The following IDO2 variants were observed in gnomAD, a reference collection of about 807,000 sequenced individuals.
The protein encoded by IDO2 is indoleamine 2,3-dioxygenase 2, also known as indoleamine 2,3-dioxygenase-like 1 protein.
Under a neutral mutation model 45.1 loss-of-function variants are expected in IDO2, and 46 were observed. The ratio of observed to expected loss-of-function variants is 1.02; its 90% confidence interval spans 0.80 to 1.30. The LOEUF is 1.30. IDO2 is among the 50% of genes most tolerant of loss of function. The pLI is 0.00. For synonymous variants in IDO2, 218 were observed against 184.9 expected (o/e 1.18, Z -1.45); for missense variants, 544 against 491.8 (o/e 1.11, Z -1.00).
intron 8 of IDO2, among the ~76,000 whole-genome samples, chr8:40,001,245 ATTTTTT>A (rs1187145007): frequency 1.9e-3 from 176 of 94,434 alleles, no homozygotes; most frequent in African/African-American, 6.4e-3. Context: ...GGCTTTCCTC[ATTTTTT>A]TTTTTTTTTT....
At chr8:39,979,997 A>T (rs899503248) in intron 4 of IDO2, among the ~76,000 whole-genome samples, 4 of 151,868 alleles carry the variant, frequency 2.6e-5, no homozygotes, top group South Asian at 2.1e-4. Context: ...AATGTTAAAA[A>T]TTTTTTGTAG....
intron 8 of IDO2, among the ~76,000 whole-genome samples, chr8:40,000,728 G>T (rs1234355840): frequency 6.6e-6 from 1 of 152,144 alleles, no homozygotes; most frequent in Non-Finnish European, 1.5e-5. Context: ...TTTCTGTAGG[G>T]TGGACACCAG....
intron 2 of IDO2, among the ~76,000 whole-genome samples, chr8:39,953,338 T>C (rs1230321717): frequency 6.6e-6 from 1 of 152,202 alleles, no homozygotes; most frequent in Non-Finnish European, 1.5e-5. Context: ...TGGGGAGTTT[T>C]AAAAAATACT....
intron 9 of IDO2, among the ~76,000 whole-genome samples, chr8:40,010,692 T>C (rs1326085433): frequency 6.6e-6 from 1 of 152,150 alleles, no homozygotes; most frequent in African/African-American, 2.4e-5. Flanking sequence ...TTGCAGGTTT[T>C]GGGGTCCTGG....
At chr8:39,998,607 TC>T (rs1346186126) in intron 8 of IDO2, 5 of 148,896 alleles carry the variant, frequency 3.4e-5, no homozygotes, top group Non-Finnish European at 5.9e-5. Flanking sequence ...CAGACTCCCC[TC>T]CCTCCCATGT....
intron 1 of IDO2, among the ~76,000 whole-genome samples, chr8:39,940,429 A>G (rs954027047): frequency 1.3e-5 from 2 of 152,206 alleles, no homozygotes; most frequent in African/African-American, 4.8e-5. Flanking sequence ...AGGTTACTAC[A>G]TTAGTAGCAA....
chr8:39,991,142 A>G (rs1323028110), intron 8 of IDO2, among the ~76,000 whole-genome samples: 1 of 152,216 alleles, frequency 6.6e-6, no homozygotes, highest in Non-Finnish European at 1.5e-5. Flanking sequence ...TTGTCATCCC[A>G]GCCTCTCAGC....
At chr8:39,950,315 G>A (rs10099498) in intron 2 of IDO2, among the ~76,000 whole-genome samples, 28,663 of 152,108 alleles carry the variant, frequency 0.19, 2,721 homozygotes, top group East Asian at 0.27. Context: ...TGGATCACTT[G>A]AGGTTCAGGA....
At chr8:39,995,251 C>CTTCTT (rs1554548609) in intron 8 of IDO2, 38 of 78,056 alleles carry the variant, frequency 4.9e-4, no homozygotes, top group Non-Finnish European at 5.7e-4. Flanking sequence ...TTCTCCTTCT[C>CTTCTT]CTTCTTCTTC....
chr8:40,003,626 T>C (rs1025471429), intron 8 of IDO2, among the ~76,000 whole-genome samples: 12 of 152,194 alleles, frequency 7.9e-5, no homozygotes, highest in Non-Finnish European at 1.5e-4. Flanking sequence ...TTCATTCTAA[T>C]AATTATCAGT....
intron 1 of IDO2, 84 bp from the exon 2 acceptor site, chr8:39,949,065 C>T (rs1057119465): frequency 5.2e-5 from 79 of 1,521,246 alleles, no homozygotes; most frequent in East Asian, 5.2e-4. Context: ...TGAGACACTG[C>T]GCAACTAACT....
intron 2 of IDO2, among the ~76,000 whole-genome samples, chr8:39,951,894 A>C (rs1365008888): frequency 6.6e-6 from 1 of 152,178 alleles, no homozygotes; most frequent in Non-Finnish European, 1.5e-5. Flanking sequence ...ACGGAAACAG[A>C]TGAGAAACAT....
chr8:39,989,069 C>T (rs1041621332), intron 7 of IDO2, among the ~76,000 whole-genome samples: 3 of 152,138 alleles, frequency 2.0e-5, no homozygotes, highest in African/African-American at 4.8e-5. Context: ...TTAATTGACT[C>T]ATAGTTCTGC....
intron 3 of IDO2, among the ~76,000 whole-genome samples, chr8:39,970,294 G>T (rs1306041967): frequency 6.6e-6 from 1 of 152,260 alleles, no homozygotes; most frequent in East Asian, 1.9e-4. Flanking sequence ...GCAAGGTGAA[G>T]CAGCAAGTGC....
chr8:39,970,911 C>T (rs1311205832), intron 3 of IDO2, among the ~76,000 whole-genome samples: 1 of 151,774 alleles, frequency 6.6e-6, no homozygotes, highest in Non-Finnish European at 1.5e-5. Flanking sequence ...GGACTACAGG[C>T]ACGTGCCACC....
Position 39,949,287 on chromosome 8 carries a change from G to C in IDO2, c.99+23G>C, listed in dbSNP as rs761994404. ...CTGGTAAGGATAGAGCCTTGGTAAG[G>C]ATAGGTCAGAATATGTTTCTTGAGA... On this transcript the variant is annotated intron_variant, in intron 2 of 10. Transcript: ENST00000502986. The C allele has an allele frequency of 1.6e-5, 24 of 1,540,640 alleles. 1 individual carries two copies. Among genetic ancestry groups the C allele is most frequent in the Admixed American group, 7.9e-5 (4 of 50,718 alleles).
chr8:39,977,930 T>C (rs547174292), intron 3 of IDO2, among the ~76,000 whole-genome samples: 5 of 152,366 alleles, frequency 3.3e-5, no homozygotes, highest in African/African-American at 1.2e-4. Flanking sequence ...CTCAAGCATT[T>C]ATCCTTTCTT....
At chr8:39,947,624 C>G (rs948194596) in intron 1 of IDO2, among the ~76,000 whole-genome samples, 1 of 152,102 alleles carries the variant, frequency 6.6e-6, no homozygotes, top group African/African-American at 2.4e-5. Context: ...TTCCAGCCAA[C>G]GGAAACTGGA....
intron 3 of IDO2, among the ~76,000 whole-genome samples, chr8:39,975,704 T>C (rs1331352541): frequency 6.6e-6 from 1 of 152,204 alleles, no homozygotes; most frequent in Non-Finnish European, 1.5e-5. Flanking sequence ...AAACTGCTTG[T>C]CATTATCTGG....
Sources: gnomAD v4.1 joint callset for allele counts (sites outside exome capture counted in the v4.1 genomes callset) on GRCh38, gnomAD v4.1.1 for gene constraint, MANE v1.5 for transcripts, NCBI Gene and HGNC (gene_info 2026-07-23, HGNC 2026-07-21) for gene names.